Variants in AGAP1 observed in about 807,000 individuals in gnomAD.
The protein encoded by AGAP1 is ArfGAP with GTPase domain, ankyrin repeat and PH domain 1, also known as arf-GAP with GTPase, ANK repeat and PH domain-containing protein 1.
A neutral mutation model predicts 105.3 loss-of-function variants in AGAP1; 29 were observed. The observed-to-expected ratio is 0.28, with a 90% confidence interval of 0.21 to 0.38. The LOEUF is 0.38. AGAP1 is among the 10% of genes least tolerant of loss of function. AGAP1 has a pLI of 1.00. For synonymous variants in AGAP1, 509 were observed against 485.9 expected (o/e 1.05, Z -0.63); for missense variants, 998 against 1,165.1 (o/e 0.86, Z 2.09).
intron 1 of AGAP1, among the ~76,000 whole-genome samples, chr2:235,698,359 G>T (rs906303798): frequency 3.3e-5 from 5 of 152,122 alleles, no homozygotes; most frequent in African/African-American, 1.2e-4. Flanking sequence ...CGTCCCTGCG[G>T]TTGGGGACCC....
At chr2:235,543,655 G>T (rs1943527627) in intron 1 of AGAP1, among the ~76,000 whole-genome samples, 2 of 152,166 alleles carry the variant, frequency 1.3e-5, no homozygotes, top group Non-Finnish European at 2.9e-5. Context: ...GAGGGCAGGT[G>T]GGGGGTTGAC....
chr2:235,850,348 C>T (rs982117981), intron 9 of AGAP1, among the ~76,000 whole-genome samples: 3 of 152,258 alleles, frequency 2.0e-5, no homozygotes, highest in African/African-American at 7.2e-5. Flanking sequence ...TCCAATCTTG[C>T]TCTACTAATG....
In AGAP1 at chr2:235,703,947, T is replaced by A. The variant is rs1346060628; in HGVS notation, c.164-5232T>A. Among the ~76,000 whole-genome samples, 3 of 152,174 alleles carry A rather than the reference T, an allele frequency of 2.0e-5. No homozygotes were observed. The East Asian group carries it at 5.8e-4, about 29-fold the overall frequency. ...GCCCCTTGGCCTCCAAGTACTGGGA[T>A]TACAGGGGTGAGCCACCTCGCGCCC... On this transcript the variant is annotated intron_variant, in intron 1 of 17. Coordinates refer to ENST00000304032, the MANE Select transcript of AGAP1 (RefSeq NM_001037131.3).
At position 235,752,854 on chromosome 2, in the gene AGAP1, A is replaced by C. The variant is rs1386107084; in HGVS notation, c.673+2366A>C. On this transcript the variant is annotated intron_variant, in intron 6 of 17. Transcript: ENST00000304032. The surrounding 1 kb of genome is among the most constrained non-coding windows in gnomAD (Gnocchi z 4.3). ...CTTTGTACGTTCTGGCTGCTCTAAC[A>C]AGACCCAGTGGCTTATACAACAGAC... Among the ~76,000 whole-genome samples, 2 of 152,168 alleles carry C rather than the reference A, an allele frequency of 1.3e-5. No individual in the cohort carries two copies. Among genetic ancestry groups the C allele is most frequent in the Non-Finnish European group, 2.9e-5 (2 of 68,020 alleles).
intron 1 of AGAP1, among the ~76,000 whole-genome samples, chr2:235,694,206 A>G (rs34979160): frequency 0.19 from 27,748 of 148,514 alleles, 3,102 homozygotes; most frequent in Admixed American, 0.34. Context: ...TTGGCCAGGC[A>G]TGGTGGCTCA....
chr2:236,049,186 C>T lies in AGAP1; in HGVS notation c.2019C>T (p.Leu673=), dbSNP rs1490249515. The T allele has an allele frequency of 2.5e-6, 4 of 1,614,212 alleles. No homozygotes were observed. The highest frequency in any genetic ancestry group is 3.4e-6 in the Non-Finnish European group (4 of 1,180,050). ...ACCTGGATGACTGGCCAGTCGAGCTCATCAAGGTGATGTCATCCATCGGGA... is the reference window on the plus strand; with the variant it reads ...ACCTGGATGACTGGCCAGTCGAGCTTATCAAGGTGATGTCATCCATCGGGA... ...SLDLDDWPVE[L]IKVMSSIGNE... The change falls in exon 16 of 18, where the codon CTC becomes CTT. Residue 673 remains leucine, a synonymous_variant. Coordinates refer to ENST00000304032, the MANE Select transcript of AGAP1 (RefSeq NM_001037131.3).
intron 9 of AGAP1, among the ~76,000 whole-genome samples, chr2:235,847,797 G>A (rs933701008): frequency 3.9e-5 from 6 of 152,156 alleles, no homozygotes; most frequent in African/African-American, 1.4e-4. Context: ...AGCTCCCTGG[G>A]GCTCCGTTTT....
chr2:235,627,440 G>T (rs1314514406), intron 1 of AGAP1, among the ~76,000 whole-genome samples: 2 of 152,030 alleles, frequency 1.3e-5, no homozygotes, highest in African/African-American at 4.8e-5. Flanking sequence ...GGCCCTGCTG[G>T]TCTCGAACTC....
At chr2:235,722,822 A>G (rs1384204351) in intron 3 of AGAP1, among the ~76,000 whole-genome samples, 1 of 152,178 alleles carries the variant, frequency 6.6e-6, no homozygotes, top group Non-Finnish European at 1.5e-5. Flanking sequence ...TTGCTGGGCT[A>G]CATTGGAAGA....
intron 10 of AGAP1, among the ~76,000 whole-genome samples, chr2:235,886,440 C>T (rs2050280281): frequency 6.6e-6 from 1 of 152,208 alleles, no homozygotes. Flanking sequence ...GGCCTAAAGC[C>T]TGTTTGCTTT....
intron 4 of AGAP1, among the ~76,000 whole-genome samples, chr2:235,742,685 G>A (rs1010026402): frequency 4.6e-5 from 7 of 152,060 alleles, no homozygotes; most frequent in African/African-American, 1.7e-4. Flanking sequence ...GGAACTCTTG[G>A]AGGCAAGGTC....
chr2:235,822,521 A>G (rs1958850405), intron 9 of AGAP1, among the ~76,000 whole-genome samples: 1 of 152,010 alleles, frequency 6.6e-6, no homozygotes, highest in Admixed American at 6.6e-5. Flanking sequence ...GGAGCAGCTC[A>G]AGAATGAAGA....
chr2:236,104,210 G>C lies in AGAP1; in HGVS notation c.2115-15982G>C, dbSNP rs555998483. Among the ~76,000 whole-genome samples, 1 of 152,210 alleles carries C rather than the reference G, an allele frequency of 6.6e-6. No individual in the cohort carries two copies. The highest frequency in any genetic ancestry group is 1.5e-5 in the Non-Finnish European group (1 of 68,026). On this transcript the variant is annotated intron_variant, in intron 16 of 17. Transcript: ENST00000304032. This position sits in a 1 kb window ranked among gnomAD's most constrained non-coding sequence, Gnocchi z 4.7. ...GGCCCGCTCCAGCAGCCGGGGCGCT[G>C]GTAGGGCCAGGCCTGTTGGCTGCTG...
At chr2:235,500,887 C>T (rs926133651) in intron 1 of AGAP1, among the ~76,000 whole-genome samples, 7 of 152,140 alleles carry the variant, frequency 4.6e-5, no homozygotes, top group Admixed American at 2.6e-4. Context: ...GCGGCCTGGG[C>T]AGGAGAAGCG....
chr2:235,985,051 T>A (rs2055255193), intron 13 of AGAP1, among the ~76,000 whole-genome samples: 1 of 152,224 alleles, frequency 6.6e-6, no homozygotes, highest in Non-Finnish European at 1.5e-5. Flanking sequence ...ATGGTTGAAC[T>A]AATTTACATT....
chr2:235,766,139 C>T (rs1471842764), intron 6 of AGAP1, among the ~76,000 whole-genome samples: 1 of 152,186 alleles, frequency 6.6e-6, no homozygotes, highest in Non-Finnish European at 1.5e-5. Flanking sequence ...AAATAAAATG[C>T]TCCTTTAAGT....
chr2:235,863,537 G>A (rs1456267029), intron 9 of AGAP1, among the ~76,000 whole-genome samples: 7 of 152,172 alleles, frequency 4.6e-5, no homozygotes, highest in African/African-American at 1.7e-4. Context: ...CTGTGGGATG[G>A]TACAGGTACA....
rs1944766448 is a variant in AGAP1 at position 235,577,339 on chromosome 2, G to A, written c.163+82490G>A. Among the ~76,000 whole-genome samples, 2 of 152,048 alleles carry A rather than the reference G, an allele frequency of 1.3e-5. No individual in the cohort carries two copies. Among genetic ancestry groups the A allele is most frequent in the African/African-American group, 4.8e-5 (2 of 41,382 alleles). Reference sequence around the variant, plus strand: ...GTTCATTCATCGCACATTTCAATTCGGCCACATTTTAGTGCTCAGTAGCAC... The same window carrying A: ...GTTCATTCATCGCACATTTCAATTCAGCCACATTTTAGTGCTCAGTAGCAC... On this transcript the variant is annotated intron_variant, in intron 1 of 17. Coordinates refer to ENST00000304032, the MANE Select transcript of AGAP1 (RefSeq NM_001037131.3). The surrounding 1 kb of genome is among the most constrained non-coding windows in gnomAD (Gnocchi z 4.5).
chr2:235,810,854 T>TTA (rs61070151), intron 9 of AGAP1, among the ~76,000 whole-genome samples: 4 of 146,462 alleles, frequency 2.7e-5, no homozygotes, highest in African/African-American at 1.0e-4. Flanking sequence ...TTTTTTTTTT[T>TTA]ACTAATAAGG....
Sources: allele counts gnomAD v4.1 joint callset (sites outside exome capture counted in the v4.1 genomes callset), GRCh38; gene constraint gnomAD v4.1.1; non-coding constraint Gnocchi (gnomAD v3.1); transcripts MANE v1.5; gene names NCBI Gene and HGNC (gene_info 2026-07-23, HGNC 2026-07-21).